The following SLC25A21 variants were observed in gnomAD, a reference collection of about 807,000 sequenced individuals.
SLC25A21 encodes the protein solute carrier family 25 member 21, also known as mitochondrial 2-oxodicarboxylate carrier.
SLC25A21 carries 47 observed loss-of-function variants against 43.8 expected under a neutral mutation model. That is an observed-to-expected ratio of 1.07 (90% CI 0.85 to 1.37). The LOEUF (loss-of-function observed/expected upper bound fraction) is 1.37. Among genes scored for constraint, SLC25A21 ranks in the 40% most tolerant of loss-of-function variants. The pLI is 0.00. For synonymous variants in SLC25A21, 131 were observed against 121.3 expected, an observed-to-expected ratio of 1.08 and a Z score of -0.52; for missense variants, 352 against 350.2, an observed-to-expected ratio of 1.00 and a Z score of -0.04.
chr14:36,822,255 G>A (rs1009327869), intron 2 of SLC25A21, among the ~76,000 whole-genome samples: 2 of 152,182 alleles, frequency 1.3e-5, no homozygotes, highest in Non-Finnish European at 2.9e-5. Context: ...AGTCCACCAG[G>A]GTCATGGAGT....
intron 1 of SLC25A21, among the ~76,000 whole-genome samples, chr14:36,964,039 T>C (rs1166088012): frequency 1.3e-5 from 2 of 152,200 alleles, no homozygotes; most frequent in African/African-American, 4.8e-5. Flanking sequence ...AATTTCCCAG[T>C]CTGAATCCAT....
At chr14:36,913,934 T>C (rs59102887) in intron 1 of SLC25A21, among the ~76,000 whole-genome samples, 1,539 of 152,318 alleles carry the variant, frequency 0.01, 29 homozygotes, top group African/African-American at 0.034. Flanking sequence ...TATTGGACTG[T>C]TACAATATGT....
intron 2 of SLC25A21, among the ~76,000 whole-genome samples, chr14:36,841,144 A>C (rs1438211332): frequency 6.6e-6 from 1 of 152,198 alleles, no homozygotes; most frequent in African/African-American, 2.4e-5. Flanking sequence ...TAGTTTGTCG[A>C]TTACATGTAG....
At chr14:36,882,682 C>CA (rs1188382951) in intron 1 of SLC25A21, among the ~76,000 whole-genome samples, 1 of 151,944 alleles carries the variant, frequency 6.6e-6, no homozygotes, top group African/African-American at 2.4e-5. Context: ...TCAACTATGC[C>CA]AAAAAACAAT....
intron 1 of SLC25A21, among the ~76,000 whole-genome samples, chr14:36,885,737 A>G (rs1377726297): frequency 6.6e-6 from 1 of 152,214 alleles, no homozygotes; most frequent in Non-Finnish European, 1.5e-5. Context: ...GGTAAGTAGT[A>G]TTTTATGGAG....
chr14:36,850,094 C>A (rs1469192521), intron 2 of SLC25A21, among the ~76,000 whole-genome samples: 1 of 151,962 alleles, frequency 6.6e-6, no homozygotes, highest in African/African-American at 2.4e-5. Context: ...GGATGGGGTG[C>A]ATATAGTAGC....
intron 1 of SLC25A21, among the ~76,000 whole-genome samples, chr14:36,953,167 A>C (rs1566766065): frequency 6.6e-6 from 1 of 152,240 alleles, no homozygotes; most frequent in South Asian, 2.1e-4. Flanking sequence ...GCTATTACTA[A>C]TCAGCAATGT....
intron 1 of SLC25A21, among the ~76,000 whole-genome samples, chr14:36,888,590 G>A (rs552685163): frequency 1.4e-4 from 22 of 152,176 alleles, no homozygotes; most frequent in South Asian, 6.2e-4. Flanking sequence ...ATGTGTCCAT[G>A]TGTGTGCACA....
At chr14:36,713,892 G>A (rs1012665987) in intron 6 of SLC25A21, among the ~76,000 whole-genome samples, 15 of 152,242 alleles carry the variant, frequency 9.9e-5, no homozygotes, top group African/African-American at 3.1e-4. Context: ...TGACTAAGGA[G>A]GCTGACGCAG....
At chr14:36,998,706 TA>T (rs559490184) in intron 1 of SLC25A21, among the ~76,000 whole-genome samples, 13,037 of 142,292 alleles carry the variant, frequency 0.092, 594 homozygotes, top group African/African-American at 0.12. Flanking sequence ...ACTCAACAAT[TA>T]AAAAAAAAAA....
At chr14:36,767,861 A>C (rs150403752) in intron 3 of SLC25A21, among the ~76,000 whole-genome samples, 188 of 152,300 alleles carry the variant, frequency 1.2e-3, no homozygotes, top group African/African-American at 4.5e-3. Context: ...AGGTAATCAC[A>C]AAACATTGTC....
intron 3 of SLC25A21, among the ~76,000 whole-genome samples, chr14:36,775,949 A>C (rs74044978): frequency 0.043 from 6,620 of 152,194 alleles, 503 homozygotes; most frequent in African/African-American, 0.15. Flanking sequence ...ATCACCTGGA[A>C]TTGAGATACC....
At chr14:36,944,110 C>T (rs1297027087) in intron 1 of SLC25A21, among the ~76,000 whole-genome samples, 1 of 152,084 alleles carries the variant, frequency 6.6e-6, no homozygotes, top group Non-Finnish European at 1.5e-5. Context: ...CAGAGCCATG[C>T]TCCCGTGTTG....
At chr14:37,172,077 T>G in intron 1 of SLC25A21, 2 of 560,900 alleles carry the variant, frequency 3.6e-6, no homozygotes, top group South Asian at 5.8e-5. Context: ...CCGAGGCAAC[T>G]TTACTTGGGG....
chr14:36,978,624 A>C (rs1012793258), intron 1 of SLC25A21, among the ~76,000 whole-genome samples: 1 of 152,200 alleles, frequency 6.6e-6, no homozygotes, highest in Admixed American at 6.5e-5. Flanking sequence ...TAGAGTATAA[A>C]ATCTAATATA....
chr14:37,149,223 C>T (rs1431547145), intron 1 of SLC25A21, among the ~76,000 whole-genome samples: 1 of 152,048 alleles, frequency 6.6e-6, no homozygotes, highest in East Asian at 1.9e-4. Flanking sequence ...TTCTAATCTC[C>T]AGCTATGAGC....
At chr14:36,898,614 T>C (rs1891315733) in intron 1 of SLC25A21, among the ~76,000 whole-genome samples, 1 of 152,190 alleles carries the variant, frequency 6.6e-6, no homozygotes, top group Non-Finnish European at 1.5e-5. Flanking sequence ...ATCACCTGTC[T>C]TCTGCGTCGC....
At chr14:37,050,567 C>G (rs1038770717) in intron 1 of SLC25A21, among the ~76,000 whole-genome samples, 1 of 152,110 alleles carries the variant, frequency 6.6e-6, no homozygotes, top group Admixed American at 6.5e-5. Context: ...TCTAATAGAG[C>G]AAAACAGTAC....
At chr14:36,720,849 GTT>G (rs1223564875) in intron 6 of SLC25A21, among the ~76,000 whole-genome samples, 1 of 152,146 alleles carries the variant, frequency 6.6e-6, no homozygotes. Flanking sequence ...CCTTATCTGA[GTT>G]TAAAGACCTT....
Sources: allele counts gnomAD v4.1 joint callset (sites outside exome capture counted in the v4.1 genomes callset), GRCh38; gene constraint gnomAD v4.1.1; transcripts MANE v1.5; gene names NCBI Gene and HGNC (gene_info 2026-07-23, HGNC 2026-07-21).